The following CCDC73 variants were observed in gnomAD, a reference collection of about 807,000 sequenced individuals.
CCDC73 encodes coiled-coil domain-containing protein 73.
CCDC73 carries 95 observed loss-of-function variants against 116.5 expected under a neutral mutation model. The observed-to-expected ratio is 0.82, with a 90% CI of 0.69 to 0.97. The LOEUF is 0.97. Among genes scored for constraint, CCDC73 ranks in the 50% least tolerant of loss-of-function variants. The pLI is 0.00. For missense variants in CCDC73, 1,066 were observed against 1,206.8 expected (o/e 0.88, Z 1.73); for synonymous variants, 398 against 401.3 (o/e 0.99, Z 0.10).
intron 12 of CCDC73, among the ~76,000 whole-genome samples, chr11:32,643,032 T>A (rs995102552): frequency 2.6e-5 from 4 of 151,744 alleles, no homozygotes; most frequent in Non-Finnish European, 3.0e-5. Context: ...TACACTGTTC[T>A]GTCATCTGCT....
intron 9 of CCDC73, among the ~76,000 whole-genome samples, chr11:32,666,654 C>A (rs1855985337): frequency 6.6e-6 from 1 of 152,214 alleles, no homozygotes; most frequent in African/African-American, 2.4e-5. Flanking sequence ...CTTCTGCTCT[C>A]AACCCGTCAA....
chr11:32,669,189 C>G (rs987660790), intron 9 of CCDC73, among the ~76,000 whole-genome samples: 22 of 152,072 alleles, frequency 1.4e-4, no homozygotes, highest in Admixed American at 3.3e-4. Context: ...GGTAAAATAT[C>G]TGCTACAGAA....
At chr11:32,809,841 T>A in the CCDC73 span, among the ~76,000 whole-genome samples, 1 of 152,236 alleles carries the variant, frequency 6.6e-6, no homozygotes, top group African/African-American at 2.4e-5. Flanking sequence ...GTTGTAAAGA[T>A]AAATGATTTA....
chr11:32,638,403 C>T (rs1437889922), intron 13 of CCDC73, among the ~76,000 whole-genome samples: 1 of 152,224 alleles, frequency 6.6e-6, no homozygotes, highest in East Asian at 1.9e-4. Context: ...TCACACATCC[C>T]ATTTTTAAAT....
At chr11:32,665,441 T>C (rs1275104942) in intron 9 of CCDC73, among the ~76,000 whole-genome samples, 1 of 152,224 alleles carries the variant, frequency 6.6e-6, no homozygotes, top group African/African-American at 2.4e-5. Context: ...TTGATCTTTG[T>C]TGGTTTAAAG....
chr11:32,662,254 C>T (rs1195339749), intron 9 of CCDC73, among the ~76,000 whole-genome samples: 4 of 152,186 alleles, frequency 2.6e-5, no homozygotes, highest in African/African-American at 7.2e-5. Flanking sequence ...CTTAAGGAAT[C>T]GCCACACTGT....
chr11:32,652,996 C>G, intron 12 of CCDC73, 127 bp downstream of exon 12: 1 of 556,528 alleles, frequency 1.8e-6, no homozygotes, highest in Non-Finnish European at 3.1e-6. Context: ...AAGTCAATAT[C>G]TTACCCCTAG....
chr11:32,661,561 G>A (rs963442974), intron 9 of CCDC73, among the ~76,000 whole-genome samples: 2 of 148,874 alleles, frequency 1.3e-5, no homozygotes, highest in Non-Finnish European at 3.0e-5. Context: ...TTTGGATTTT[G>A]TCCTTGCAAT....
chr11:32,805,589 C>A, the CCDC73 span, among the ~76,000 whole-genome samples: 1 of 152,056 alleles, frequency 6.6e-6, no homozygotes, highest in African/African-American at 2.4e-5. Flanking sequence ...AACACAAAGC[C>A]AACTTGAGGT....
chr11:32,821,176 A>G, the CCDC73 span, among the ~76,000 whole-genome samples: 1 of 152,118 alleles, frequency 6.6e-6, no homozygotes, highest in African/African-American at 2.4e-5. Context: ...TCATTCTTTT[A>G]TGGGGTCACT....
At chr11:32,623,827 G>A (rs1404931574) in intron 14 of CCDC73, among the ~76,000 whole-genome samples, 1 of 152,068 alleles carries the variant, frequency 6.6e-6, no homozygotes, top group Non-Finnish European at 1.5e-5. Flanking sequence ...AATGGGAGGG[G>A]CTTAAGCATG....
intron 12 of CCDC73, among the ~76,000 whole-genome samples, chr11:32,649,290 T>G (rs2133257712): frequency 6.6e-6 from 1 of 152,296 alleles, no homozygotes; most frequent in Admixed American, 6.5e-5. Context: ...ATGACCCTAG[T>G]TAATACTATG....
At chr11:32,690,618 A>C (rs1856247695) in intron 6 of CCDC73, among the ~76,000 whole-genome samples, 1 of 152,106 alleles carries the variant, frequency 6.6e-6, no homozygotes, top group South Asian at 2.1e-4. Context: ...AAAAGTGTGT[A>C]GCACTTTCCC....
intron 9 of CCDC73, among the ~76,000 whole-genome samples, chr11:32,663,569 G>A (rs1382339419): frequency 6.6e-5 from 10 of 152,170 alleles, no homozygotes; most frequent in Non-Finnish European, 1.3e-4. Flanking sequence ...TCAGCTTAAG[G>A]AGATTTTGGG....
At chr11:32,709,079 C>T (rs913678408) in intron 3 of CCDC73, among the ~76,000 whole-genome samples, 5 of 152,128 alleles carry the variant, frequency 3.3e-5, no homozygotes, top group African/African-American at 7.2e-5. Context: ...TATGTCCCTT[C>T]TATGATGATT....
chr11:32,795,982 A>G (rs1410496392), upstream of CCDC73, among the ~76,000 whole-genome samples: 1 of 152,120 alleles, frequency 6.6e-6, no homozygotes, highest in Admixed American at 6.6e-5. Context: ...GAGCCACCGC[A>G]GCCGGCCCCC....
chr11:32,751,461 C>T (rs929607759), intron 2 of CCDC73, among the ~76,000 whole-genome samples: 4 of 152,120 alleles, frequency 2.6e-5, no homozygotes, highest in Non-Finnish European at 5.9e-5. Flanking sequence ...AACCCCCCAG[C>T]GGCAAGGCTT....
chr11:32,683,473 A>G (rs1274194405), intron 7 of CCDC73, 63 bp downstream of exon 7: 10 of 1,073,004 alleles, frequency 9.3e-6, no homozygotes, highest in Middle Eastern at 2.9e-4. Flanking sequence ...TTTATTCCCA[A>G]AAACACCAAT....
At chr11:32,820,643 A>C in the CCDC73 span, among the ~76,000 whole-genome samples, 2 of 152,184 alleles carry the variant, frequency 1.3e-5, no homozygotes, top group East Asian at 3.8e-4. Context: ...GAGTCTCCAC[A>C]CTTATTGAAG....
Sources: gnomAD v4.1 joint callset for allele counts (sites outside exome capture counted in the v4.1 genomes callset) on GRCh38, gnomAD v4.1.1 for gene constraint, MANE v1.5 for transcripts, NCBI Gene and HGNC (gene_info 2026-07-23, HGNC 2026-07-21) for gene names.